Variants in SRFBP1 observed in about 807,000 individuals in gnomAD.
The protein encoded by SRFBP1 is serum response factor-binding protein 1.
A neutral mutation model predicts 45.5 loss-of-function variants in SRFBP1; 47 were observed. The observed-to-expected ratio is 1.03, with a 90% CI of 0.82 to 1.32. The LOEUF (loss-of-function observed/expected upper bound fraction) is 1.32. Ranked by LOEUF, SRFBP1 falls within the 40% of genes most tolerant of loss-of-function variation. The pLI, the probability that SRFBP1 is intolerant of heterozygous loss-of-function variation, is 0.00. For missense variants in SRFBP1, 621 were observed against 484.6 expected, an observed-to-expected ratio of 1.28 and a Z score of -2.64; for synonymous variants, 203 against 166.3, an observed-to-expected ratio of 1.22 and a Z score of -1.70.
At chr5:122,001,360 T>C (rs1478619670) in intron 4 of SRFBP1, among the ~76,000 whole-genome samples, 2 of 150,242 alleles carry the variant, frequency 1.3e-5, no homozygotes, top group African/African-American at 2.4e-5. Context: ...AGGGCCATGA[T>C]TTCCAAAATC....
Position 122,074,062 on chromosome 5 carries a change from G to T in SRFBP1, n.312-1253G>T, listed in dbSNP as rs755859651. The T allele has an allele frequency of 8.7e-6, 14 of 1,613,988 alleles. 1 individual carries two copies. Among genetic ancestry groups the T allele is most frequent in the Non-Finnish European group, 9.3e-6 (11 of 1,179,964 alleles). On this transcript the variant is annotated intron_variant and non_coding_transcript_variant, in intron 2 of 2. Transcript: ENST00000504881. Reference sequence around the variant, plus strand: ...TCGCCTGTGGTAGCCATAGTCACAGGATGTGTCTTCAAGACAGAAACTTGC... The same window carrying T: ...TCGCCTGTGGTAGCCATAGTCACAGTATGTGTCTTCAAGACAGAAACTTGC...
At chr5:122,003,098 T>G (rs1195205409) in intron 4 of SRFBP1, among the ~76,000 whole-genome samples, 1 of 152,118 alleles carries the variant, frequency 6.6e-6, no homozygotes, top group Non-Finnish European at 1.5e-5. Context: ...GTCCCAGTGC[T>G]TTGGGAGGCC....
intron 2 of SRFBP1, among the ~76,000 whole-genome samples, chr5:122,042,692 T>A (rs2112732005): frequency 6.6e-6 from 1 of 152,344 alleles, no homozygotes; most frequent in South Asian, 2.1e-4. Context: ...TTTCTTTGTG[T>A]GCTCTTTTAG....
intron 2 of SRFBP1, among the ~76,000 whole-genome samples, chr5:122,057,652 A>AT (rs1754106753): frequency 6.6e-6 from 1 of 151,856 alleles, no homozygotes; most frequent in African/African-American, 2.4e-5. Flanking sequence ...AAAAAAAAAA[A>AT]AAATACTGAT....
At chr5:122,031,629 T>G (rs1345822837), downstream of SRFBP1, among the ~76,000 whole-genome samples, 1 of 152,134 alleles carries the variant, frequency 6.6e-6, no homozygotes, top group Non-Finnish European at 1.5e-5. Flanking sequence ...AAGTCTCATG[T>G]CAACCATAAT....
rs562010270 is a variant in SRFBP1, at chr5:122,038,844, C to CT, written n.311+16438dup. Among the ~76,000 whole-genome samples the CT allele has an allele frequency of 5.0e-3, 761 of 152,236 alleles. 10 individuals are homozygous for CT. The highest frequency in any genetic ancestry group is 0.017 in the African/African-American group (718 of 41,556). Reference sequence around the variant, plus strand: ...TGGACTCCATCAGCCTTTGAATGTTCTATCATTAAACGTACTTTGGGGCTC... The same window carrying CT: ...TGGACTCCATCAGCCTTTGAATGTTCTTATCATTAAACGTACTTTGGGGCTC... On this transcript the variant is annotated intron_variant and non_coding_transcript_variant, in intron 2 of 2. Coordinates refer to the SRFBP1 transcript ENST00000504881.
At position 122,065,160 on chromosome 5, in the gene SRFBP1, T is replaced by G. The variant is rs187659477; in HGVS notation, n.312-10155T>G. ...TGTGCCCTGGTGGCTAAGGATCATA[T>G]GTACCGCTATATCCGCCAGTTGATG... On this transcript the variant is annotated intron_variant and non_coding_transcript_variant, in intron 2 of 2. Coordinates refer to the SRFBP1 transcript ENST00000504881. 3.2e-4 allele frequency: 48 copies of G among 152,190 alleles called. No homozygotes were observed. The East Asian group carries it at 8.9e-3, about 28-fold the overall frequency. 9.4% of individuals were successfully genotyped at this position (152,190 alleles called of 1,614,324 possible).
intron 5 of SRFBP1, among the ~76,000 whole-genome samples, chr5:122,019,667 T>C (rs1055892291): frequency 6.6e-6 from 1 of 151,136 alleles, no homozygotes; most frequent in Non-Finnish European, 1.5e-5. Flanking sequence ...AGGAACATAA[T>C]TTTATATATG....
chr5:122,064,249 C>T (rs1045697266), intron 2 of SRFBP1: 1 of 151,524 alleles, frequency 6.6e-6, no homozygotes, highest in African/African-American at 2.4e-5. Flanking sequence ...AATTGATAAC[C>T]TTCATCAACT....
chr5:121,983,108 G>T (rs1259190751), intron 3 of SRFBP1, among the ~76,000 whole-genome samples: 1 of 151,492 alleles, frequency 6.6e-6, no homozygotes, highest in African/African-American at 2.4e-5. Flanking sequence ...GCAGCAATAA[G>T]ATCAGTAAGT....
At chr5:121,963,928 A>G (rs1488386055) in intron 1 of SRFBP1, among the ~76,000 whole-genome samples, 1 of 152,178 alleles carries the variant, frequency 6.6e-6, no homozygotes, top group Admixed American at 6.5e-5. Flanking sequence ...AAAGAAAAGA[A>G]ATGACAACCA....
rs556587483 is a variant in SRFBP1, at chr5:121,972,573, T to C, written c.37-1623T>C. On this transcript the variant is annotated intron_variant, in intron 1 of 7. Coordinates refer to ENST00000339397, the MANE Select transcript of SRFBP1 (RefSeq NM_152546.3). ...GAAGAACTCAGAGTGTTTTTTTCAT[T>C]CAGGACTACGGTTTCCTCACCAGAG... Among the ~76,000 whole-genome samples, 249 of 152,026 alleles carry C rather than the reference T, an allele frequency of 1.6e-3. 2 individuals are homozygous for C. Among genetic ancestry groups the C allele is most frequent in the African/African-American group, 5.7e-3 (237 of 41,538 alleles).
Position 122,004,379 on chromosome 5 carries a change from ACTGTC to A in SRFBP1, c.270+9712_270+9716del. Among the ~76,000 whole-genome samples, 3 of 152,130 alleles carry A rather than the reference ACTGTC, an allele frequency of 2.0e-5. No individual in the cohort carries two copies. In the South Asian group the frequency reaches 6.2e-4, roughly 32 times the overall value. ...TGTCCCAGTACTGTTTATTGAACAG[ACTGTC>A]CTTTCCTTATTGTATGTTCTTGGCA... On this transcript the variant is annotated intron_variant, in intron 4 of 7. Transcript: ENST00000339397.
At chr5:121,995,483 C>A (rs980942122) in intron 4 of SRFBP1, among the ~76,000 whole-genome samples, 9 of 151,974 alleles carry the variant, frequency 5.9e-5, no homozygotes, top group African/African-American at 2.2e-4. Flanking sequence ...AAAGACACAA[C>A]ATACCAGAAT....
At chr5:122,021,855 T>TG (rs1165764277) in intron 6 of SRFBP1, among the ~76,000 whole-genome samples, 3 of 151,532 alleles carry the variant, frequency 2.0e-5, no homozygotes, top group African/African-American at 4.9e-5. Context: ...TTTTGTTTTT[T>TG]TTTTGTTTTG....
chr5:122,052,189 T>A (rs545087166), intron 2 of SRFBP1, among the ~76,000 whole-genome samples: 5 of 152,314 alleles, frequency 3.3e-5, no homozygotes, highest in Admixed American at 2.0e-4. Flanking sequence ...ATTTTTTCTT[T>A]CATTTGGACC....
At chr5:121,962,241 T>G (rs1025190434) in intron 1 of SRFBP1, among the ~76,000 whole-genome samples, 173 bp downstream of exon 1, 5 of 152,180 alleles carry the variant, frequency 3.3e-5, no homozygotes, top group Admixed American at 6.5e-5. Flanking sequence ...CTTTTCGGTC[T>G]CCAGGTGACT....
intron 1 of SRFBP1, among the ~76,000 whole-genome samples, chr5:121,973,604 GCA>G (rs1752243268): frequency 7.1e-6 from 1 of 141,580 alleles, no homozygotes; most frequent in Non-Finnish European, 1.5e-5. Flanking sequence ...GTATGTGTGT[GCA>G]TGTGTGTGTG....
chr5:121,962,736 C>T (rs913878953), intron 1 of SRFBP1, among the ~76,000 whole-genome samples: 1 of 152,194 alleles, frequency 6.6e-6, no homozygotes, highest in African/African-American at 2.4e-5. Flanking sequence ...CCACTTATCC[C>T]CCTCTGGTTT....
Sources: gnomAD v4.1 joint callset for allele counts (sites outside exome capture counted in the v4.1 genomes callset) on GRCh38, gnomAD v4.1.1 for gene constraint, MANE v1.5 for transcripts, NCBI Gene and HGNC (gene_info 2026-07-23, HGNC 2026-07-21) for gene names.